The following ANKRD12 variants were observed in gnomAD, a reference collection of about 807,000 sequenced individuals.
The protein encoded by ANKRD12 is ankyrin repeat domain-containing protein 12.
A neutral mutation model predicts 183.4 loss-of-function variants in ANKRD12; 85 were observed. That is an observed-to-expected ratio of 0.46 (90% CI 0.39 to 0.56). ANKRD12 has a LOEUF of 0.56. ANKRD12 is among the 20% of genes least tolerant of loss of function. The probability of loss-of-function intolerance (pLI) is 0.00; values close to 1 mark genes in which losing one functional copy is unlikely to be tolerated. For synonymous variants in ANKRD12, 914 were observed against 800.2 expected, an observed-to-expected ratio of 1.14 and a Z score of -2.40; for missense variants, 2,405 against 2,357.1, an observed-to-expected ratio of 1.02 and a Z score of -0.42.
At chr18:9,202,713 A>C (rs944425954) in intron 3 of ANKRD12, among the ~76,000 whole-genome samples, 2 of 152,206 alleles carry the variant, frequency 1.3e-5, no homozygotes, top group East Asian at 3.8e-4. Context: ...TCTCATAAAC[A>C]GTGGTAGTCT....
rs571526299 is a variant in ANKRD12 at position 9,274,863 on chromosome 18, A to G, written c.5764-661A>G. The stretch of plus-strand genomic sequence containing the variant: ...TCTTGCCACTATGCCTGGCCTAACA[A>G]ATTGTTTTTGAATAAGATAAAATGA... On this transcript the variant is annotated intron_variant, in intron 10 of 12. Coordinates refer to ENST00000262126, the MANE Select transcript of ANKRD12 (RefSeq NM_015208.5). Among the ~76,000 whole-genome samples, 9 of 152,178 alleles carry G rather than the reference A, an allele frequency of 5.9e-5. No homozygotes were observed. The South Asian group carries it at 1.7e-3, about 28-fold the overall frequency.
At chr18:9,187,804 A>G (rs2034190727) in intron 2 of ANKRD12, among the ~76,000 whole-genome samples, 1 of 152,202 alleles carries the variant, frequency 6.6e-6, no homozygotes, top group Non-Finnish European at 1.5e-5. Context: ...AAACCTGGTT[A>G]AATTCATAAA....
At chr18:9,244,868 T>TA (rs1392808426) in intron 8 of ANKRD12, among the ~76,000 whole-genome samples, 8 of 152,224 alleles carry the variant, frequency 5.3e-5, no homozygotes, top group Non-Finnish European at 7.3e-5. Context: ...TTAAGTCAGA[T>TA]AAAATCAAGC....
intron 4 of ANKRD12, among the ~76,000 whole-genome samples, chr18:9,207,129 G>A (rs542086702): frequency 2.6e-5 from 4 of 151,972 alleles, no homozygotes; most frequent in Non-Finnish European, 5.9e-5. Flanking sequence ...AAATACTAGA[G>A]AACCAAGATA....
At chr18:9,279,028 G>T (rs2039983593) in intron 11 of ANKRD12, among the ~76,000 whole-genome samples, 1 of 152,022 alleles carries the variant, frequency 6.6e-6, no homozygotes, top group Admixed American at 6.5e-5. Context: ...AAGATACAGA[G>T]CTGGAATTTG....
At chr18:9,140,023 A>T (rs184108153) in intron 1 of ANKRD12, among the ~76,000 whole-genome samples, 1 of 152,308 alleles carries the variant, frequency 6.6e-6, no homozygotes, top group Admixed American at 6.5e-5. Flanking sequence ...TAAATTCTTG[A>T]TTTATCACTT....
chr18:9,214,318 A>G (rs1262294017), intron 6 of ANKRD12, among the ~76,000 whole-genome samples: 1 of 152,150 alleles, frequency 6.6e-6, no homozygotes, highest in Non-Finnish European at 1.5e-5. Context: ...ATCAGGAGAA[A>G]TGTAAACAAA....
chr18:9,274,251 G>A (rs2039729104), intron 10 of ANKRD12, among the ~76,000 whole-genome samples: 1 of 152,182 alleles, frequency 6.6e-6, no homozygotes, highest in African/African-American at 2.4e-5. Flanking sequence ...TGCCAAAGTG[G>A]CATATTTTGG....
At position 9,257,801 on chromosome 18, in the gene ANKRD12, T is replaced by A; in HGVS notation, c.4534T>A (p.Ser1512Thr). The A allele has an allele frequency of 6.2e-7, 1 of 1,613,898 alleles. No individual in the cohort carries two copies. The part of the protein sequence containing the change: ...AESISKHMSL[S>T]YVANQEPGIL... ...ATCGATTTCTAAACATATGTCTTTG[T>A]CATATGTTGCTAATCAAGAGCCAGG... The change falls in exon 9 of 13, where the codon TCA becomes ACA. Residue 1512 changes from serine to threonine, a missense_variant. Physicochemically the swap from Ser to Thr is moderately conservative, Grantham distance 58. Coordinates refer to ENST00000262126, the MANE Select transcript of ANKRD12 (RefSeq NM_015208.5).
In ANKRD12 at chr18:9,285,454, T is replaced by C. The variant is rs567010916; in HGVS notation, c.*4328T>C. 1 of 147,298 alleles carries C rather than the reference T, an allele frequency of 6.8e-6. No homozygotes were observed. The highest frequency in any genetic ancestry group is 2.5e-5 in the African/African-American group (1 of 39,852). The allele number at this position is 147,298 out of a possible 1,614,324, so 9.1% of individuals were successfully genotyped here. On this transcript the variant is annotated 3_prime_UTR_variant, in exon 13 of 13. Transcript: ENST00000262126. ...AAAAAAAAAAAAAAAAAAAAAAGTA[T>C]ATCACATATGTAGCATGTGTTTACA...
intron 1 of ANKRD12, among the ~76,000 whole-genome samples, chr18:9,160,308 G>A (rs2031230670): frequency 6.6e-6 from 1 of 152,050 alleles, no homozygotes; most frequent in Non-Finnish European, 1.5e-5. Context: ...TTAGAGATGG[G>A]TTCTCACCAG....
At chr18:9,198,665 T>A (rs955968088) in intron 3 of ANKRD12, among the ~76,000 whole-genome samples, 1 of 152,122 alleles carries the variant, frequency 6.6e-6, no homozygotes. Context: ...TTCTCCCGCC[T>A]CAGCCTTCCG....
At chr18:9,154,677 A>G (rs998719977) in intron 1 of ANKRD12, among the ~76,000 whole-genome samples, 6 of 152,096 alleles carry the variant, frequency 3.9e-5, no homozygotes, top group African/African-American at 1.2e-4. Context: ...GCAATAGTCT[A>G]TTCAAGAGAT....
At chr18:9,183,884 C>A (rs906779568) in intron 2 of ANKRD12, among the ~76,000 whole-genome samples, 1 of 152,040 alleles carries the variant, frequency 6.6e-6, no homozygotes. Context: ...TTTGTTACCT[C>A]TTTTATGTTG....
intron 10 of ANKRD12, among the ~76,000 whole-genome samples, chr18:9,267,677 C>G (rs1225210358): frequency 6.6e-6 from 1 of 151,910 alleles, no homozygotes; most frequent in Non-Finnish European, 1.5e-5. Context: ...CAGGAAAGAT[C>G]TAAAATTGAC....
intron 10 of ANKRD12, among the ~76,000 whole-genome samples, chr18:9,270,155 A>G (rs1036675171): frequency 5.9e-5 from 9 of 152,340 alleles, no homozygotes; most frequent in African/African-American, 1.9e-4. Flanking sequence ...ATACTTTTAC[A>G]CTGTTGGTGG....
chr18:9,203,601 ATATTAT>A lies in ANKRD12; in HGVS notation c.236-864_236-859del, dbSNP rs564268397. On this transcript the variant is annotated intron_variant, in intron 3 of 12. Transcript: ENST00000262126. ...TATATATATGTGTGTGTGTGTATAT[ATATTAT>A]TATTATTATTTTTTAAATGCAGAGT... Among the ~76,000 whole-genome samples, 840 of 151,792 alleles carry A rather than the reference ATATTAT, an allele frequency of 5.5e-3. 8 individuals carry two copies. The highest frequency in any genetic ancestry group is 0.019 in the African/African-American group (776 of 41,378).
intron 6 of ANKRD12, 50 bp downstream of exon 6, chr18:9,211,834 G>C: frequency 7.1e-7 from 1 of 1,405,026 alleles, no homozygotes. Context: ...AATTTAAACA[G>C]ATCCTGGTTA....
intron 10 of ANKRD12, among the ~76,000 whole-genome samples, chr18:9,273,751 C>T (rs957181282): frequency 2.6e-5 from 4 of 152,198 alleles, no homozygotes; most frequent in African/African-American, 7.2e-5. Context: ...AAGTTGACCT[C>T]CACCATCTTA....
Sources: gnomAD v4.1 joint callset for allele counts (sites outside exome capture counted in the v4.1 genomes callset) on GRCh38, gnomAD v4.1.1 for gene constraint, MANE v1.5 for transcripts, NCBI Gene and HGNC (gene_info 2026-07-23, HGNC 2026-07-21) for gene names.